STAB2: variants seen among roughly 807,000 people sequenced by gnomAD.
The protein encoded by STAB2 is stabilin-2.
In STAB2, 288 loss-of-function variants were observed where a neutral mutation model predicts 338.1. The observed-to-expected ratio is 0.85, with a 90% CI of 0.77 to 0.94. The LOEUF (loss-of-function observed/expected upper bound fraction) is 0.94. STAB2 is among the 40% of genes least tolerant of loss of function. STAB2 has a pLI of 0.00. For synonymous variants in STAB2, 1,202 were observed against 1,193.3 expected (o/e 1.01, Z -0.15); for missense variants, 3,141 against 3,210.1 (o/e 0.98, Z 0.52).
intron 19 of STAB2, among the ~76,000 whole-genome samples, chr12:103,667,025 CA>C (rs1008713492): frequency 1.3e-5 from 2 of 152,090 alleles, no homozygotes; most frequent in African/African-American, 2.4e-5. Context: ...TGGTAAAAAG[CA>C]AAGTGTTCTA....
intron 34 of STAB2, among the ~76,000 whole-genome samples, chr12:103,701,359 G>A (rs771068340): frequency 1.3e-5 from 2 of 152,118 alleles, no homozygotes; most frequent in Non-Finnish European, 2.9e-5. Flanking sequence ...AGTCCTTTGG[G>A]TATATACCCA....
chr12:103,590,368 G>A (rs969840163), intron 1 of STAB2, among the ~76,000 whole-genome samples: 26 of 152,182 alleles, frequency 1.7e-4, no homozygotes, highest in Admixed American at 5.9e-4. Flanking sequence ...TTTTCAGTTG[G>A]ATTGTAATCT....
chr12:103,604,217 C>G (rs1956993825), intron 3 of STAB2, among the ~76,000 whole-genome samples: 1 of 152,094 alleles, frequency 6.6e-6, no homozygotes, highest in African/African-American at 2.4e-5. Flanking sequence ...CCTTACTGCT[C>G]TTACCATGAT....
At chr12:103,750,554 A>T (rs1463744522) in intron 59 of STAB2, 25 bp from the exon 60 acceptor site, 1 of 1,611,162 alleles carries the variant, frequency 6.2e-7, no homozygotes, top group Admixed American at 1.7e-5. Context: ...GAACTTTTTC[A>T]TCTCTTCCCA....
At chr12:103,714,262 A>G (rs1198366961) in intron 42 of STAB2, among the ~76,000 whole-genome samples, 1 of 152,226 alleles carries the variant, frequency 6.6e-6, no homozygotes, top group East Asian at 1.9e-4. Context: ...CATTATTTAA[A>G]TATCCACACA....
At chr12:103,739,896 G>A (rs74718119) in intron 54 of STAB2, among the ~76,000 whole-genome samples, 4,009 of 152,202 alleles carry the variant, frequency 0.026, 164 homozygotes, top group African/African-American at 0.086. Context: ...CTCAGAGAGG[G>A]TAAGCAATCA....
chr12:103,715,380 T>C (rs752223557), intron 42 of STAB2, among the ~76,000 whole-genome samples: 7 of 152,220 alleles, frequency 4.6e-5, no homozygotes, highest in Non-Finnish European at 1.0e-4. Context: ...AGATATGTTG[T>C]TCCCCCTCAA....
chr12:103,596,675 T>G (rs1956879850), intron 3 of STAB2, among the ~76,000 whole-genome samples: 1 of 152,204 alleles, frequency 6.6e-6, no homozygotes, highest in East Asian at 1.9e-4. Context: ...AACCCTTTTT[T>G]AACAGTGGGT....
In STAB2 at chr12:103,733,052, T is replaced by C; in HGVS notation, c.5330T>C (p.Val1777Ala). The C allele has an allele frequency of 1.2e-6, 2 of 1,614,062 alleles. No homozygotes were observed. The highest frequency in any genetic ancestry group is 1.1e-5 in the South Asian group (1 of 91,078). Residue 1777 changes from valine to alanine, a missense_variant, in exon 51 of 69, where the codon GTC becomes GCC. Transcript: ENST00000388887. ...ATCACCGATCCCATCCACACCCCAG[T>C]CACTCTCTTCTGGCCCACCGACCAA... is the stretch of plus-strand genomic sequence containing the variant. ...SVITDPIHTPVTLFWPTDQAL... is the reference protein window; with the variant it reads ...SVITDPIHTPATLFWPTDQAL...
chr12:103,636,176 T>A (rs1418753346), intron 6 of STAB2, among the ~76,000 whole-genome samples: 1 of 151,634 alleles, frequency 6.6e-6, no homozygotes, highest in Non-Finnish European at 1.5e-5. Context: ...TAGGTGTATC[T>A]CCTAATGCTA....
At chr12:103,642,426 A>G (rs1397661158) in intron 9 of STAB2, among the ~76,000 whole-genome samples, 1 of 152,008 alleles carries the variant, frequency 6.6e-6, no homozygotes, top group African/African-American at 2.4e-5. Flanking sequence ...AAGTGTAGGG[A>G]CTCTTGGAAT....
chr12:103,676,966 G>C (rs1332263277), intron 24 of STAB2, among the ~76,000 whole-genome samples: 1 of 152,052 alleles, frequency 6.6e-6, no homozygotes, highest in Admixed American at 6.6e-5. Context: ...ATCCCCCTCA[G>C]CCTCAGCTCC....
intron 25 of STAB2, among the ~76,000 whole-genome samples, chr12:103,677,982 G>C (rs1239421579): frequency 6.6e-6 from 1 of 152,178 alleles, no homozygotes; most frequent in East Asian, 1.9e-4. Flanking sequence ...GGACAACGCA[G>C]AGAAGGCTAC....
At chr12:103,626,297 GC>G (rs1369213548) in intron 5 of STAB2, among the ~76,000 whole-genome samples, 1 of 152,124 alleles carries the variant, frequency 6.6e-6, no homozygotes, top group Admixed American at 6.6e-5. Context: ...AATTTAAATA[GC>G]CACATGTGGC....
intron 63 of STAB2, among the ~76,000 whole-genome samples, chr12:103,757,487 TAGA>T (rs1442099016): frequency 6.6e-5 from 10 of 152,220 alleles, no homozygotes; most frequent in African/African-American, 2.2e-4. Flanking sequence ...TATTGAGTGC[TAGA>T]AGATGATAGA....
chr12:103,683,329 C>CT, intron 26 of STAB2, 29 bp downstream of exon 26: 7 of 1,142,090 alleles, frequency 6.1e-6, no homozygotes, highest in South Asian at 2.9e-5. Flanking sequence ...TTTTTCATTA[C>CT]TTAAAAAAAA....
intron 27 of STAB2, among the ~76,000 whole-genome samples, chr12:103,687,924 C>A (rs1216145065): frequency 6.6e-6 from 1 of 152,234 alleles, no homozygotes; most frequent in Non-Finnish European, 1.5e-5. Context: ...CCTGGAATTA[C>A]TTCCATAGAG....
chr12:103,606,926 G>A (rs11837998), intron 3 of STAB2, among the ~76,000 whole-genome samples: 2,645 of 152,204 alleles, frequency 0.017, 71 homozygotes, highest in African/African-American at 0.06. Flanking sequence ...GGAGGGTGCC[G>A]TGAGCTGAGC....
chr12:103,704,574 G>A lies in STAB2; in HGVS notation c.3860G>A (p.Cys1287Tyr). ...TTIIRGRCRT[C>Y]SSELTCPFGT... ...TTTACCAAGGGAAGATGTAGGACAT[G>A]CTCCTCAGAGCTGACCTGCCCATTC... Residue 1287 changes from cysteine to tyrosine, a missense_variant, in exon 36 of 69, where the codon TGC (cysteine) becomes TAC (tyrosine). Cys to Tyr is a radical substitution (Grantham distance 194, BLOSUM62 -2). Transcript: ENST00000388887. 1 of 1,613,394 alleles carries A rather than the reference G, an allele frequency of 6.2e-7. No homozygotes were observed. Among genetic ancestry groups the A allele is most frequent in the South Asian group, 1.1e-5 (1 of 90,880 alleles).
Sources: allele counts gnomAD v4.1 joint callset (sites outside exome capture counted in the v4.1 genomes callset), GRCh38; gene constraint gnomAD v4.1.1; transcripts MANE v1.5; gene names NCBI Gene and HGNC (gene_info 2026-07-23, HGNC 2026-07-21).